The following CTSB variants were observed in gnomAD, a reference collection of about 807,000 sequenced individuals.
CTSB encodes the protein APP secretase.
In CTSB, 57 loss-of-function variants were observed where a neutral mutation model predicts 44.3. The ratio of observed to expected loss-of-function variants is 1.29; its 90% CI spans 1.04 to 1.60. The LOEUF (loss-of-function observed/expected upper bound fraction) is 1.60, where lower values mean the gene tolerates loss of function less well. CTSB is among the 40% of genes most tolerant of loss of function. The pLI, the probability that CTSB is intolerant of heterozygous loss-of-function variation, is 0.00. For synonymous variants in CTSB, 320 were observed against 168.0 expected (o/e 1.91, Z -7.00); for missense variants, 768 against 443.0 (o/e 1.73, Z -6.59).
At chr8:11,866,576 A>G (rs919449895) in intron 1 of CTSB, among the ~76,000 whole-genome samples, 1 of 152,238 alleles carries the variant, frequency 6.6e-6, no homozygotes, top group Non-Finnish European at 1.5e-5. Flanking sequence ...CCAGCACCAG[A>G]GCCAACAAGA....
Position 11,848,101 on chromosome 8 carries a change from G to A in CTSB, c.498C>T (p.Gly166=), listed in dbSNP as rs1369261440. 1.2e-6 allele frequency: 2 copies of A among 1,614,006 alleles called. No individual in the cohort carries two copies. The highest frequency in any genetic ancestry group is 8.5e-7 in the Non-Finnish European group (1 of 1,179,988). ...ATTCATAGAGGCCACCAGAAACCAGGCCTTTTCTTGTCCAGAAGTTCCAAG... is the reference window on the plus strand; with the variant it reads ...ATTCATAGAGGCCACCAGAAACCAGACCTTTTCTTGTCCAGAAGTTCCAAG... The part of the protein sequence containing the change: ...AEAWNFWTRK[G]LVSGGLYESH... The change falls in exon 6 of 10, where the codon GGC becomes GGT. Residue 166 remains glycine (G), a synonymous_variant. Coordinates refer to ENST00000353047, the MANE Select transcript of CTSB (RefSeq NM_001908.5).
Position 11,845,705 on chromosome 8 carries a change from T to A in CTSB, c.878A>T (p.Tyr293Phe). 6.2e-7 allele frequency: 1 copy of A among 1,614,074 alleles called. No homozygotes were observed. Among genetic ancestry groups the A allele is most frequent in the Non-Finnish European group, 8.5e-7 (1 of 1,179,952 alleles). ...LGWGVENGTP[Y>F]WLVANSWNTD... ...GTTCCAGGAGTTGGCAACCAGCCAG[T>A]AGGGTGTGCCATTCTCCACTCCCCA... The change falls in exon 9 of 10, where the codon TAC (tyrosine) becomes TTC (phenylalanine). Residue 293 changes from tyrosine (Y) to phenylalanine (F), a missense_variant. By Grantham distance (22) the Tyr-to-Phe change is conservative (BLOSUM62 3). Transcript: ENST00000353047.
At chr8:11,848,362 C>T (rs1469506654) in intron 5 of CTSB, 2 of 673,892 alleles carry the variant, frequency 3.0e-6, no homozygotes, top group South Asian at 1.5e-5. Context: ...CCCACCCCTG[C>T]CCACAAAGAT....
At chr8:11,849,346 A>G (rs959274733) in intron 4 of CTSB, 182 bp from the exon 5 acceptor site, 2 of 498,816 alleles carry the variant, frequency 4.0e-6, no homozygotes, top group African/African-American at 1.9e-5. Context: ...GGGTCTTGCT[A>G]CGTTGGCCAG....
In CTSB at chr8:11,843,412, TGGGAA is replaced by T. The variant is rs1351139986; in HGVS notation, c.*1708_*1712del. 6 of 152,276 alleles carry T rather than the reference TGGGAA, an allele frequency of 3.9e-5. No homozygotes were observed. In the East Asian group the frequency reaches 7.7e-4, roughly 20 times the overall value. The allele number at this position is 152,276 out of a possible 1,614,324, so 9.4% of individuals were successfully genotyped here. A position where few individuals can be genotyped will look rare whatever the true frequency, so the allele number is the denominator to read the frequency against. On this transcript the variant is annotated 3_prime_UTR_variant, in exon 10 of 10. Coordinates refer to ENST00000353047, the MANE Select transcript of CTSB (RefSeq NM_001908.5). ...AGAGCTAGCCTCATACCACTTCAGT[TGGGAA>T]GGGGAGTACTGAGGTGTACCTTGGC...
chr8:11,852,478 C>A, intron 3 of CTSB, 132 bp downstream of exon 3: 1 of 551,122 alleles, frequency 1.8e-6, no homozygotes, highest in South Asian at 2.7e-5. Flanking sequence ...TACTGTACCT[C>A]AAGCGGTGTC....
chr8:11,856,570 C>A (rs1815552956), intron 1 of CTSB, among the ~76,000 whole-genome samples: 1 of 152,114 alleles, frequency 6.6e-6, no homozygotes, highest in South Asian at 2.1e-4. Flanking sequence ...GCCTGGACGA[C>A]AGATTGAGAC....
At position 11,845,680 on chromosome 8, in the gene CTSB, G is replaced by A. The variant is rs770774958; in HGVS notation, c.903C>T (p.Asn301=). ...ACTCACCATTGTCACCCCAGTCAGT[G>A]TTCCAGGAGTTGGCAACCAGCCAGT... ...TPYWLVANSW[N]TDWGDNGFFK... Residue 301 remains asparagine, a synonymous_variant, in exon 9 of 10, where the codon AAC becomes AAT. Coordinates refer to ENST00000353047, the MANE Select transcript of CTSB (RefSeq NM_001908.5). 1 of 1,613,852 alleles carries A rather than the reference G, an allele frequency of 6.2e-7. No homozygotes were observed. Among genetic ancestry groups the A allele is most frequent in the Non-Finnish European group, 8.5e-7 (1 of 1,179,736 alleles).
At chr8:11,853,143 G>A (rs570622356) in intron 2 of CTSB, among the ~76,000 whole-genome samples, 186 bp downstream of exon 2, 29 of 151,974 alleles carry the variant, frequency 1.9e-4, no homozygotes, top group Non-Finnish European at 3.2e-4. Flanking sequence ...ATGCACACAC[G>A]TGGGGTATGG....
chr8:11,854,008 C>G lies in CTSB; in HGVS notation c.-25-529G>C, dbSNP rs538845376. 5.3e-5 allele frequency among the ~76,000 whole-genome samples: 8 copies of G among 152,274 alleles called. No individual in the cohort carries two copies. The East Asian group carries it at 1.5e-3, about 29-fold the overall frequency. ...GCTGGCCATCCACCCACTCCCGGGG[C>G]CTCTCTGGTTTTTCCAGTCAGCCAA... On this transcript the variant is annotated intron_variant, in intron 1 of 9. Coordinates refer to ENST00000353047, the MANE Select transcript of CTSB (RefSeq NM_001908.5).
At chr8:11,860,537 T>C (rs763677604) in intron 1 of CTSB, among the ~76,000 whole-genome samples, 5 of 152,186 alleles carry the variant, frequency 3.3e-5, no homozygotes, top group South Asian at 2.1e-4. Flanking sequence ...AGCAGGACAA[T>C]TGCTTGAACC....
chr8:11,849,110 G>A lies in CTSB; in HGVS notation c.382C>T (p.His128Tyr). ...SDRICIHTNA[H>Y]VSVEVSAEDL... ...TCCGCCGACACCTCCACGCTGACGTGCGCATTGGTGTGGATGCAGATCCGG... is the reference window on the plus strand; with the variant it reads ...TCCGCCGACACCTCCACGCTGACGTACGCATTGGTGTGGATGCAGATCCGG... The change falls in exon 5 of 10, where the codon CAC becomes TAC. Residue 128 changes from histidine to tyrosine, a missense_variant. By Grantham distance (83) the His-to-Tyr change is moderately conservative (BLOSUM62 2). Coordinates refer to ENST00000353047, the MANE Select transcript of CTSB (RefSeq NM_001908.5). 1 of 1,613,610 alleles carries A rather than the reference G, an allele frequency of 6.2e-7. No individual in the cohort carries two copies. The highest frequency in any genetic ancestry group is 8.5e-7 in the Non-Finnish European group (1 of 1,179,904).
intron 1 of CTSB, among the ~76,000 whole-genome samples, chr8:11,858,296 T>G (rs1021076812): frequency 1.4e-4 from 22 of 152,074 alleles, no homozygotes; most frequent in Admixed American, 9.2e-4. Context: ...AACAAGTTTG[T>G]TTTTTTTGTT....
At chr8:11,845,455 T>G (rs1422043887) in intron 9 of CTSB, among the ~76,000 whole-genome samples, 4 of 152,212 alleles carry the variant, frequency 2.6e-5, no homozygotes. Flanking sequence ...GTGGGAACTG[T>G]TGCAGGCGTT....
At chr8:11,859,597 G>C (rs968943369) in intron 1 of CTSB, among the ~76,000 whole-genome samples, 4 of 151,292 alleles carry the variant, frequency 2.6e-5, no homozygotes, top group African/African-American at 4.9e-5. Flanking sequence ...TGAAACTCCT[G>C]TCTCTACTAA....
Position 11,850,913 on chromosome 8 carries a change from G to A in CTSB, c.280C>T (p.Pro94Ser), listed in dbSNP as rs373164773. Residue 94 changes from proline (P) to serine (S), a missense_variant, in exon 4 of 10, where the codon CCC becomes TCC. Physicochemically the swap from Pro to Ser is moderately conservative, Grantham distance 74. Coordinates refer to ENST00000353047, the MANE Select transcript of CTSB (RefSeq NM_001908.5). Reference protein sequence around the residue: ...FDAREQWPQCPTIKEIRDQGS... With the variant: ...FDAREQWPQCSTIKEIRDQGS... ...TGGTCTCTGATCTCTTTGATGGTGG[G>A]ACACTGTGGCCATTGTTCCCGTGCA... is the stretch of plus-strand genomic sequence containing the variant. 5.0e-6 allele frequency: 8 copies of A among 1,613,504 alleles called. No homozygotes were observed. The highest frequency in any genetic ancestry group is 4.5e-5 in the East Asian group (2 of 44,894).
intron 1 of CTSB, among the ~76,000 whole-genome samples, chr8:11,857,182 T>C: frequency 6.6e-6 from 1 of 152,154 alleles, no homozygotes; most frequent in East Asian, 1.9e-4. Context: ...TGCTACCACG[T>C]TTGGCTAATT....
rs372595797 is a variant in CTSB at position 11,852,702 on chromosome 8, G to T, written c.127-7C>A. ...TGTAGAAGTTGTGCCCGGCCTGGAA[G>T]AGAGTCACCCACTGACTGAAGGGTC... On this transcript the variant is annotated splice_polypyrimidine_tract_variant and splice_region_variant and intron_variant, in intron 2 of 9. Coordinates refer to ENST00000353047, the MANE Select transcript of CTSB (RefSeq NM_001908.5). 6.8e-6 allele frequency: 11 copies of T among 1,613,226 alleles called. No homozygotes were observed. The South Asian group carries it at 9.9e-5, about 14-fold the overall frequency.
intron 5 of CTSB, chr8:11,848,440 T>A (rs984078233): frequency 1.9e-6 from 1 of 526,692 alleles, no homozygotes; most frequent in Non-Finnish European, 3.6e-6. Flanking sequence ...CCCTTCCGGG[T>A]AGAACACTGA....
Sources: allele counts gnomAD v4.1 joint callset (sites outside exome capture counted in the v4.1 genomes callset), GRCh38; gene constraint gnomAD v4.1.1; transcripts MANE v1.5; gene names NCBI Gene and HGNC (gene_info 2026-07-23, HGNC 2026-07-21).